The following PPP2R5E variants were observed in gnomAD, a reference collection of about 807,000 sequenced individuals.
PPP2R5E encodes serine/threonine-protein phosphatase 2A 56 kDa regulatory subunit epsilon isoform.
In PPP2R5E, 4 loss-of-function variants were observed where a neutral mutation model predicts 65.3. That is an observed-to-expected ratio of 0.06 (90% CI 0.03 to 0.14). The LOEUF (loss-of-function observed/expected upper bound fraction) is 0.14. PPP2R5E is among the 10% of genes least tolerant of loss of function. The probability of loss-of-function intolerance (pLI) is 1.00; values close to 1 mark genes in which losing one functional copy is unlikely to be tolerated. For missense variants in PPP2R5E, 274 were observed against 556.1 expected (o/e 0.49, Z 5.10); for synonymous variants, 183 against 187.4 (o/e 0.98, Z 0.19).
At position 63,415,667 on chromosome 14, in the gene PPP2R5E, G is replaced by A. The variant is rs78765526; in HGVS notation, c.457-435C>T. Among the ~76,000 whole-genome samples, 826 of 152,098 alleles carry A rather than the reference G, an allele frequency of 5.4e-3. 56 individuals are homozygous for A. The East Asian group carries it at 0.13, about 24-fold the overall frequency. Reference sequence around the variant, plus strand: ...AGACTACTTTTACCATTTAAACAATGTATTATGAACAATTTACATCAATAA... The same window carrying A: ...AGACTACTTTTACCATTTAAACAATATATTATGAACAATTTACATCAATAA... On this transcript the variant is annotated intron_variant, in intron 4 of 13. Coordinates refer to ENST00000337537, the MANE Select transcript of PPP2R5E (RefSeq NM_006246.5).
intron 5 of PPP2R5E, among the ~76,000 whole-genome samples, chr14:63,404,705 C>T (rs538971033): frequency 6.6e-6 from 1 of 152,336 alleles, no homozygotes; most frequent in South Asian, 2.1e-4. Context: ...ATATGAACAA[C>T]TCCACCAAGT....
At chr14:63,503,041 C>A (rs115930128) in intron 2 of PPP2R5E, among the ~76,000 whole-genome samples, 122 of 152,240 alleles carry the variant, frequency 8.0e-4, no homozygotes, top group African/African-American at 2.8e-3. Flanking sequence ...CACATGGGAA[C>A]CTTGAAAGAT....
At chr14:63,542,525 G>A (rs1469097852) in intron 1 of PPP2R5E, among the ~76,000 whole-genome samples, 3 of 152,118 alleles carry the variant, frequency 2.0e-5, no homozygotes, top group African/African-American at 4.8e-5. Context: ...ATAAAGGGGG[G>A]CAAGAAAACG....
intron 2 of PPP2R5E, among the ~76,000 whole-genome samples, chr14:63,518,367 G>A (rs1049139113): frequency 2.0e-5 from 3 of 152,020 alleles, no homozygotes; most frequent in African/African-American, 4.8e-5. Flanking sequence ...TTAGCCTCTG[G>A]AGTAGCTGGG....
At chr14:63,417,503 A>AG (rs1886768158) in intron 4 of PPP2R5E, among the ~76,000 whole-genome samples, 3 of 151,942 alleles carry the variant, frequency 2.0e-5, no homozygotes, top group Admixed American at 2.0e-4. Flanking sequence ...AAAAAAAAAA[A>AG]AAGGCTAGTT....
intron 2 of PPP2R5E, among the ~76,000 whole-genome samples, chr14:63,484,347 T>TGA (rs1555364910): frequency 5.0e-5 from 7 of 139,596 alleles, no homozygotes; most frequent in African/African-American, 1.9e-4. Context: ...TCTCTCTCTC[T>TGA]CACACACACA....
At chr14:63,525,157 G>A (rs1034687835) in intron 2 of PPP2R5E, among the ~76,000 whole-genome samples, 20 of 152,150 alleles carry the variant, frequency 1.3e-4, no homozygotes, top group African/African-American at 4.8e-5. Flanking sequence ...CTGGCACACC[G>A]AAAAACCAAC....
At chr14:63,489,453 AG>A (rs1210390809) in intron 2 of PPP2R5E, among the ~76,000 whole-genome samples, 2 of 148,128 alleles carry the variant, frequency 1.4e-5, no homozygotes, top group Admixed American at 6.7e-5. Flanking sequence ...ACTCTCACCC[AG>A]GCTGGAGTGC....
chr14:63,379,139 C>T (rs921800214), intron 13 of PPP2R5E, among the ~76,000 whole-genome samples: 11 of 152,092 alleles, frequency 7.2e-5, no homozygotes, highest in African/African-American at 2.7e-4. Flanking sequence ...CGCCATTCTC[C>T]TGCCTCACCC....
At chr14:63,522,628 C>T (rs1289692404) in intron 2 of PPP2R5E, among the ~76,000 whole-genome samples, 2 of 147,282 alleles carry the variant, frequency 1.4e-5, no homozygotes, top group African/African-American at 2.5e-5. Flanking sequence ...CGCCTCTACC[C>T]GTCCGCGACC....
intron 5 of PPP2R5E, among the ~76,000 whole-genome samples, chr14:63,402,722 A>G (rs551148603): frequency 6.6e-6 from 1 of 152,304 alleles, no homozygotes; most frequent in African/African-American, 2.4e-5. Flanking sequence ...CAAAAAACAG[A>G]GATAATATAT....
At chr14:63,421,322 G>T (rs1887009527) in intron 4 of PPP2R5E, among the ~76,000 whole-genome samples, 1 of 152,076 alleles carries the variant, frequency 6.6e-6, no homozygotes, top group African/African-American at 2.4e-5. Context: ...CACAAGGAAG[G>T]AACGAGCTGG....
At chr14:63,478,163 T>C (rs2139583963) in intron 2 of PPP2R5E, among the ~76,000 whole-genome samples, 1 of 152,328 alleles carries the variant, frequency 6.6e-6, no homozygotes, top group South Asian at 2.1e-4. Flanking sequence ...AACAGACTAT[T>C]TTCAAATGAC....
chr14:63,400,302 G>A (rs1450318190), intron 5 of PPP2R5E, among the ~76,000 whole-genome samples: 1 of 152,166 alleles, frequency 6.6e-6, no homozygotes, highest in African/African-American at 2.4e-5. Flanking sequence ...AGTAGTTCAG[G>A]ATGTTGTATA....
At chr14:63,436,968 A>C (rs898219725) in intron 3 of PPP2R5E, among the ~76,000 whole-genome samples, 1 of 152,210 alleles carries the variant, frequency 6.6e-6, no homozygotes, top group African/African-American at 2.4e-5. Flanking sequence ...ACAGGATGAA[A>C]TAGGAAGTCA....
chr14:63,455,264 T>C (rs1299455476), intron 2 of PPP2R5E, among the ~76,000 whole-genome samples: 2 of 152,284 alleles, frequency 1.3e-5, no homozygotes, highest in Middle Eastern at 3.4e-3. Flanking sequence ...ACAACCCAAA[T>C]GCCAGCATAG....
At chr14:63,516,608 C>A (rs986735345) in intron 2 of PPP2R5E, among the ~76,000 whole-genome samples, 2 of 152,188 alleles carry the variant, frequency 1.3e-5, no homozygotes, top group Admixed American at 6.5e-5. Context: ...CCTATCTGTC[C>A]ACGTATCATC....
chr14:63,462,485 C>A (rs74501358), intron 2 of PPP2R5E, among the ~76,000 whole-genome samples: 2,060 of 152,242 alleles, frequency 0.014, 45 homozygotes, highest in African/African-American at 0.047. Context: ...CATGAAACTG[C>A]ACATACCTCC....
At chr14:63,393,762 A>C in intron 8 of PPP2R5E, 58 bp downstream of exon 8, 1 of 1,237,360 alleles carries the variant, frequency 8.1e-7, no homozygotes, top group Admixed American at 2.1e-5. Flanking sequence ...ATATCAAAAA[A>C]ACGAGTTTGC....
Sources: allele counts gnomAD v4.1 joint callset (sites outside exome capture counted in the v4.1 genomes callset), GRCh38; gene constraint gnomAD v4.1.1; transcripts MANE v1.5; gene names NCBI Gene and HGNC (gene_info 2026-07-23, HGNC 2026-07-21).